C6: variants seen among roughly 807,000 people sequenced by gnomAD.
The protein encoded by C6 is complement component C6.
C6 carries 101 observed loss-of-function variants against 112.9 expected under a neutral mutation model. The observed-to-expected ratio is 0.89, with a 90% confidence interval of 0.76 to 1.06. C6 has a LOEUF of 1.06. Among genes scored for constraint, C6 ranks in the 50% least tolerant of loss-of-function variants. The probability of loss-of-function intolerance (pLI) is 0.00; values close to 1 mark genes in which losing one functional copy is unlikely to be tolerated. For missense variants in C6, 1,202 were observed against 1,104.6 expected (o/e 1.09, Z -1.25); for synonymous variants, 431 against 384.1 (o/e 1.12, Z -1.43).
intron 7 of C6, 112 bp from the exon 8 acceptor site, chr5:41,176,827 A>G: frequency 9.6e-7 from 1 of 1,036,634 alleles, no homozygotes; most frequent in Non-Finnish European, 1.4e-6. Context: ...CAGAATTACA[A>G]TAATTCTCAC....
chr5:41,256,610 G>C (rs1741729476), intron 1 of C6, among the ~76,000 whole-genome samples: 1 of 151,964 alleles, frequency 6.6e-6, no homozygotes, highest in African/African-American at 2.4e-5. Context: ...TATCACACAG[G>C]GGTTTCTCAA....
chr5:41,174,401 G>C (rs1377211021), intron 8 of C6, among the ~76,000 whole-genome samples: 1 of 152,190 alleles, frequency 6.6e-6, no homozygotes, highest in Admixed American at 6.5e-5. Flanking sequence ...AAAGACAGGA[G>C]TGTTAGTTGA....
At chr5:41,245,255 T>G (rs975982559) in intron 1 of C6, among the ~76,000 whole-genome samples, 1 of 152,128 alleles carries the variant, frequency 6.6e-6, no homozygotes, top group East Asian at 1.9e-4. Flanking sequence ...AACAGCCATG[T>G]GTGGTGGCTC....
chr5:41,207,554 C>CA (rs1580193834), intron 1 of C6, among the ~76,000 whole-genome samples: 1 of 151,644 alleles, frequency 6.6e-6, no homozygotes, highest in Non-Finnish European at 1.5e-5. Context: ...AAATGGAAAA[C>CA]AAAAAAAGGC....
At chr5:41,166,025 C>A (rs1747943657) in intron 9 of C6, among the ~76,000 whole-genome samples, 1 of 152,050 alleles carries the variant, frequency 6.6e-6, no homozygotes, top group African/African-American at 2.4e-5. Flanking sequence ...AATTTCTTGG[C>A]AAGGTATTTT....
chr5:41,257,176 C>A (rs1174975352), intron 1 of C6, among the ~76,000 whole-genome samples: 1 of 152,018 alleles, frequency 6.6e-6, no homozygotes, highest in Non-Finnish European at 1.5e-5. Flanking sequence ...CTCCTCCCAC[C>A]CTCCTTGCTC....
rs201780023 is a variant in C6, at chr5:41,178,135, T to TA, written c.928-1421dup. 3.8e-3 allele frequency among the ~76,000 whole-genome samples: 580 copies of TA among 152,262 alleles called. 7 individuals carry two copies. The highest frequency in any genetic ancestry group is 0.013 in the African/African-American group (552 of 41,562). On this transcript the variant is annotated intron_variant, in intron 7 of 17. Transcript: ENST00000337836. ...ATACCTGAAACTGGCTATTTTAGAT[T>TA]AAAAAAATACATTACTATAGGTTAT...
chr5:41,215,458 G>T (rs1404193815), upstream of C6, among the ~76,000 whole-genome samples: 1 of 152,152 alleles, frequency 6.6e-6, no homozygotes, highest in Non-Finnish European at 1.5e-5. Context: ...TGCATGCAAA[G>T]AATATAGGTG....
intron 1 of C6, among the ~76,000 whole-genome samples, chr5:41,258,736 T>G (rs890141902): frequency 5.3e-5 from 8 of 152,152 alleles, no homozygotes; most frequent in Non-Finnish European, 1.2e-4. Context: ...TGAATCACAG[T>G]ATCACATAGC....
chr5:41,199,284 A>T (rs1750832516), intron 4 of C6, among the ~76,000 whole-genome samples: 1 of 152,194 alleles, frequency 6.6e-6, no homozygotes, highest in African/African-American at 2.4e-5. Flanking sequence ...TAGGAGGTCA[A>T]TGAACTATGG....
intron 13 of C6, among the ~76,000 whole-genome samples, chr5:41,158,086 T>A (rs1351729865): frequency 6.6e-6 from 1 of 152,168 alleles, no homozygotes; most frequent in Non-Finnish European, 1.5e-5. Flanking sequence ...ACTTCTGTGA[T>A]CACTTTTAGA....
In C6 at chr5:41,253,131, A is replaced by G. The variant is rs890708242; in HGVS notation, c.-21+8063T>C. 1.6e-4 allele frequency among the ~76,000 whole-genome samples: 25 copies of G among 152,322 alleles called. No homozygotes were observed. The Middle Eastern group carries it at 0.014, about 83-fold the overall frequency. ...GATTATATGTTAAGAATGACATGTA[A>G]TTGTTTTAAGCATTTGATTATGAAG... On this transcript the variant is annotated intron_variant, in intron 1 of 17. Transcript: ENST00000263413.
chr5:41,175,665 G>A (rs1235895719), intron 8 of C6, among the ~76,000 whole-genome samples: 1 of 152,180 alleles, frequency 6.6e-6, no homozygotes, highest in East Asian at 1.9e-4. Flanking sequence ...CATCAAGTGG[G>A]AAATTATTTT....
intron 8 of C6, among the ~76,000 whole-genome samples, chr5:41,172,905 C>T (rs1748547439): frequency 6.6e-6 from 1 of 152,174 alleles, no homozygotes; most frequent in South Asian, 2.1e-4. Context: ...TCTCATACCT[C>T]TCTGGGCTTC....
chr5:41,221,734 G>A (rs1451940399), intron 1 of C6, among the ~76,000 whole-genome samples: 1 of 152,170 alleles, frequency 6.6e-6, no homozygotes, highest in Non-Finnish European at 1.5e-5. Context: ...ATTCAAAAAA[G>A]TTATTCAAGT....
intron 1 of C6, among the ~76,000 whole-genome samples, chr5:41,229,414 T>C (rs1051364283): frequency 2.0e-5 from 3 of 152,110 alleles, no homozygotes; most frequent in African/African-American, 4.8e-5. Context: ...TTAGCTTTTC[T>C]TTTTGATTTC....
At position 41,142,625 on chromosome 5, in the gene C6, G is replaced by A; in HGVS notation, c.*200C>T. ...TTGGTACCTAGGGGTATGCTACAGG[G>A]CGTCATGAGCTGGAACTGAATAAGA... On this transcript the variant is annotated 3_prime_UTR_variant, in exon 18 of 18. Transcript: ENST00000337836. 1 of 605,170 alleles carries A rather than the reference G, an allele frequency of 1.7e-6. No individual in the cohort carries two copies. The highest frequency in any genetic ancestry group is 3.0e-6 in the Non-Finnish European group (1 of 333,276). The allele number at this position is 605,170 out of a possible 1,614,324, so 37.5% of individuals were successfully genotyped here.
At chr5:41,199,648 C>T in intron 4 of C6, 120 bp downstream of exon 4, 1 of 1,015,524 alleles carries the variant, frequency 9.8e-7, no homozygotes, top group Non-Finnish European at 1.6e-6. Flanking sequence ...TCCCATTCCA[C>T]TCTGCTTAAA....
chr5:41,198,619 G>A (rs146445492), intron 4 of C6, among the ~76,000 whole-genome samples: 5 of 152,220 alleles, frequency 3.3e-5, no homozygotes, highest in African/African-American at 7.2e-5. Context: ...ATGAACTGGC[G>A]ATCAGCTGTG....
Sources: gnomAD v4.1 joint callset for allele counts (sites outside exome capture counted in the v4.1 genomes callset) on GRCh38, gnomAD v4.1.1 for gene constraint, MANE v1.5 for transcripts, NCBI Gene and HGNC (gene_info 2026-07-23, HGNC 2026-07-21) for gene names.